The following COL4A1 variants were observed in gnomAD, a reference collection of about 807,000 sequenced individuals.
COL4A1 encodes the protein collagen type IV alpha 1 chain, also known as collagen alpha-1(IV) chain.
A neutral mutation model predicts 216.6 loss-of-function variants in COL4A1; 40 were observed. That is an observed-to-expected ratio of 0.18 (90% confidence interval 0.14 to 0.24). COL4A1 has a LOEUF of 0.24. Ranked by LOEUF, COL4A1 falls within the 10% of genes least tolerant of loss-of-function variation. The probability of loss-of-function intolerance (pLI) is 1.00; values close to 1 mark genes in which losing one functional copy is unlikely to be tolerated. For synonymous variants in COL4A1, 839 were observed against 810.7 expected (o/e 1.03, Z -0.59); for missense variants, 1,628 against 2,196.8 (o/e 0.74, Z 5.18).
At chr13:110,153,221 C>A (rs1223647239) in intron 50 of COL4A1, among the ~76,000 whole-genome samples, 1 of 152,234 alleles carries the variant, frequency 6.6e-6, no homozygotes, top group African/African-American at 2.4e-5. Flanking sequence ...ACAAGGCTAA[C>A]TCCACTGATT....
Position 110,206,879 on chromosome 13 carries a change from C to T in COL4A1, c.793G>A (p.Glu265Lys), listed in dbSNP as rs1371416114. 1 of 1,613,758 alleles carries T rather than the reference C, an allele frequency of 6.2e-7. No homozygotes were observed. Among genetic ancestry groups the T allele is most frequent in the Non-Finnish European group, 8.5e-7 (1 of 1,179,998 alleles). ...TGAGTACTGACCTGAAATCCAGGTT[C>T]ACCTTTTTGGCCCTGAAAGAATTCG... ...ATKGEKGQKG[E>K]PGFQGMPGVG... Residue 265 changes from glutamate to lysine, a missense_variant, in exon 14 of 52, where the codon GAA becomes AAA. Transcript: ENST00000375820.
chr13:110,165,466 T>C (rs1202110643), intron 45 of COL4A1, among the ~76,000 whole-genome samples: 1 of 152,134 alleles, frequency 6.6e-6, no homozygotes, highest in African/African-American at 2.4e-5. Context: ...GCATGGCAAG[T>C]CTTGGCATGT....
chr13:110,190,666 C>A (rs1234390111), intron 24 of COL4A1: 2 of 152,160 alleles, frequency 1.3e-5, no homozygotes, highest in East Asian at 3.8e-4. Context: ...AATAAGAGAA[C>A]CACATTTCTG....
At chr13:110,215,079 C>G (rs568637525) in intron 2 of COL4A1, among the ~76,000 whole-genome samples, 8 of 152,290 alleles carry the variant, frequency 5.3e-5, no homozygotes, top group Middle Eastern at 3.4e-3. Context: ...CAATGGAACT[C>G]TCTTGTTAGC....
intron 26 of COL4A1, among the ~76,000 whole-genome samples, chr13:110,185,248 C>A (rs944709168): frequency 3.9e-5 from 6 of 152,058 alleles, no homozygotes; most frequent in African/African-American, 1.4e-4. Context: ...CGGGTTCAAG[C>A]GATTCTCCTG....
intron 2 of COL4A1, among the ~76,000 whole-genome samples, chr13:110,237,621 G>A (rs1039497508): frequency 5.9e-5 from 9 of 152,198 alleles, no homozygotes; most frequent in East Asian, 1.9e-4. Flanking sequence ...TTACAATAAT[G>A]TGCATAAAAC....
intron 1 of COL4A1, among the ~76,000 whole-genome samples, chr13:110,248,549 T>A (rs763650534): frequency 6.6e-6 from 1 of 152,226 alleles, no homozygotes; most frequent in Non-Finnish European, 1.5e-5. Context: ...TGGAGTGCAC[T>A]GGCGCGACGT....
intron 2 of COL4A1, among the ~76,000 whole-genome samples, chr13:110,231,708 G>A (rs143694143): frequency 4.9e-4 from 75 of 152,300 alleles, no homozygotes; most frequent in African/African-American, 1.8e-3. Context: ...GGGATGAGTG[G>A]ACATTGGTTC....
intron 21 of COL4A1, among the ~76,000 whole-genome samples, chr13:110,195,999 C>A (rs145893792): frequency 6.6e-6 from 1 of 152,228 alleles, no homozygotes; most frequent in African/African-American, 2.4e-5. Context: ...GCTGTGGGGC[C>A]CTCCCTCGGG....
At position 110,161,285 on chromosome 13, in the gene COL4A1, C is replaced by T. The variant is rs866527235; in HGVS notation, c.4547G>A (p.Arg1516Gln). The T allele has an allele frequency of 1.2e-6, 2 of 1,614,200 alleles. No homozygotes were observed. Among genetic ancestry groups the T allele is most frequent in the Non-Finnish European group, 1.7e-6 (2 of 1,180,044 alleles). Residue 1516 changes from arginine (R) to glutamine (Q), a missense_variant, in exon 49 of 52, where the codon CGA (arginine) becomes CAA (glutamine). This residue lies in a region of COL4A1 where 254 missense variants were observed against 300.1 expected (regional missense o/e 0.85). Transcript: ENST00000375820. ...NINNVCNFAS[R>Q]NDYSYWLSTP... ...GGACAGCCAGTACGAGTAGTCATTT[C>T]GTGATGCAAAGTTGCACACGTTGTT...
At chr13:110,179,885 C>T (rs893883013) in intron 29 of COL4A1, among the ~76,000 whole-genome samples, 1 of 152,170 alleles carries the variant, frequency 6.6e-6, no homozygotes, top group African/African-American at 2.4e-5. Context: ...GAAGGTTTCA[C>T]AGTAAATTAA....
intron 36 of COL4A1, among the ~76,000 whole-genome samples, chr13:110,175,634 C>G (rs1376625129): frequency 1.3e-5 from 2 of 152,218 alleles, no homozygotes; most frequent in Non-Finnish European, 2.9e-5. Context: ...AATACATTAA[C>G]TACCTAGAAT....
chr13:110,163,691 C>T lies in COL4A1; in HGVS notation c.4151-130G>A, dbSNP rs549378904. The T allele has an allele frequency of 4.5e-6, 4 of 897,408 alleles. No homozygotes were observed. In the African/African-American group the frequency reaches 4.9e-5, roughly 11 times the overall value. The allele number at this position is 897,408 out of a possible 1,614,324, so 55.6% of individuals were successfully genotyped here. ...GTCTCACTGCAGATGAGAACGTTTT[C>T]TCGGACAGCCAGGAGTTGCTTCCCA... On this transcript the variant is annotated intron_variant, in intron 46 of 51. Coordinates refer to ENST00000375820, the MANE Select transcript of COL4A1 (RefSeq NM_001845.6).
intron 1 of COL4A1, among the ~76,000 whole-genome samples, chr13:110,267,795 A>G (rs529256227): frequency 3.0e-4 from 45 of 152,354 alleles, no homozygotes; most frequent in African/African-American, 1.1e-3. Flanking sequence ...TAAGACACAC[A>G]ATACATGTTT....
chr13:110,149,218 A>C lies in COL4A1; in HGVS notation c.*1145T>G, dbSNP rs1171420971. 1.3e-5 allele frequency: 2 copies of C among 154,814 alleles called. No individual in the cohort carries two copies. The highest frequency in any genetic ancestry group is 1.3e-4 in the Admixed American group (2 of 15,292). 9.6% of individuals were successfully genotyped at this position (154,814 alleles called of 1,614,324 possible). ...GTCCGAATCTGCCCTCCTGCGGTCC[A>C]TGCGATGCCCTGCTGAGGTCTGTGA... is the stretch of plus-strand genomic sequence containing the variant. On this transcript the variant is annotated 3_prime_UTR_variant, in exon 52 of 52. Coordinates refer to ENST00000375820, the MANE Select transcript of COL4A1 (RefSeq NM_001845.6).
chr13:110,211,851 T>C lies in COL4A1; in HGVS notation c.441+18A>G, dbSNP rs370129744. On this transcript the variant is annotated intron_variant, in intron 7 of 51. Transcript: ENST00000375820. The surrounding 1 kb of genome is among the most constrained non-coding windows in gnomAD (Gnocchi z 4.3). ...TAACTAAAAGAAAGAAGTTCTGCCC[T>C]AAATAACCTCTACTCACGGGATTTC... 1 of 1,613,750 alleles carries C rather than the reference T, an allele frequency of 6.2e-7. No homozygotes were observed. Among genetic ancestry groups the C allele is most frequent in the African/African-American group, 1.3e-5 (1 of 74,920 alleles).
At chr13:110,276,908 T>C (rs1883453190) in intron 1 of COL4A1, among the ~76,000 whole-genome samples, 1 of 152,122 alleles carries the variant, frequency 6.6e-6, no homozygotes, top group African/African-American at 2.4e-5. Flanking sequence ...ATTCTAGAAG[T>C]TTTTGAATGA....
In COL4A1 at chr13:110,195,110, C is replaced by T. The variant is rs1362542874; in HGVS notation, c.1294G>A (p.Val432Met). ...PGQPGYTNGI[V>M]ECQPGPPGDQ... ...CCTGGAGGTCCGGGCTGACATTCCA[C>T]AATTCCATCTGAAATTGAGTTGTCA... Residue 432 changes from valine to methionine, a missense_variant, in exon 22 of 52, where the codon GTG becomes ATG. By Grantham distance (21) the Val-to-Met change is conservative. Around this residue, in one of 8 missense-constraint regions of COL4A1, gnomAD observed 701 missense variants for 892.5 expected, o/e 0.79. Transcript: ENST00000375820. The T allele has an allele frequency of 1.2e-6, 2 of 1,613,932 alleles. No homozygotes were observed. The highest frequency in any genetic ancestry group is 8.5e-7 in the Non-Finnish European group (1 of 1,179,888).
chr13:110,150,582 G>C (rs1876456265), intron 51 of COL4A1, 138 bp from the exon 52 acceptor site: 1 of 816,170 alleles, frequency 1.2e-6, no homozygotes, highest in Admixed American at 2.0e-5. Flanking sequence ...ACCACCCAGT[G>C]AGCAGGCAGG....
Sources: allele counts gnomAD v4.1 joint callset (sites outside exome capture counted in the v4.1 genomes callset), GRCh38; gene constraint gnomAD v4.1.1; regional missense constraint gnomAD v4.1.1; non-coding constraint Gnocchi (gnomAD v3.1); transcripts MANE v1.5; gene names NCBI Gene and HGNC (gene_info 2026-07-23, HGNC 2026-07-21).